The following PRKCH variants were observed in gnomAD, a reference collection of about 807,000 sequenced individuals.
PRKCH encodes protein kinase C eta, also known as protein kinase C eta type.
A neutral mutation model predicts 82.5 loss-of-function variants in PRKCH; 28 were observed. The observed-to-expected ratio is 0.34, with a 90% CI of 0.25 to 0.47. The LOEUF (loss-of-function observed/expected upper bound fraction) is 0.47. PRKCH is among the 20% of genes least tolerant of loss of function. The pLI is 1.00. For missense variants in PRKCH, 705 were observed against 881.8 expected, an observed-to-expected ratio of 0.80 and a Z score of 2.54; for synonymous variants, 322 against 327.4, an observed-to-expected ratio of 0.98 and a Z score of 0.18.
chr14:61,211,740 G>C (rs1594854669), intron 1 of PRKCH, among the ~76,000 whole-genome samples: 1 of 152,280 alleles, frequency 6.6e-6, no homozygotes. Context: ...AAACTGCCAA[G>C]TGCACCATGC....
chr14:61,444,637 C>T (rs1884134370), intron 3 of PRKCH, among the ~76,000 whole-genome samples: 1 of 152,140 alleles, frequency 6.6e-6, no homozygotes. Context: ...CTCTCACACA[C>T]ACTTAAAATA....
At chr14:61,216,412 G>C (rs75039431) in intron 1 of PRKCH, among the ~76,000 whole-genome samples, 7,732 of 151,942 alleles carry the variant, frequency 0.051, 480 homozygotes, top group African/African-American at 0.15. Flanking sequence ...TGGGGTTGCA[G>C]TCAGCTGAGA....
rs1281217917 is a variant in PRKCH, at chr14:61,423,011, T to C, written c.428-20100T>C. On this transcript the variant is annotated intron_variant, in intron 2 of 13. Transcript: ENST00000332981. ...CGGTATAAATTTGCTATGCTACAAA[T>C]GTTTGATTGAATGAATGAATGAAGT... 2.0e-5 allele frequency among the ~76,000 whole-genome samples: 3 copies of C among 152,232 alleles called. No homozygotes were observed. The East Asian group carries it at 5.8e-4, about 29-fold the overall frequency.
chr14:61,205,926 T>G (rs1262017726), intron 1 of PRKCH, among the ~76,000 whole-genome samples: 1 of 152,164 alleles, frequency 6.6e-6, no homozygotes, highest in East Asian at 1.9e-4. Context: ...ATTTCTCCTT[T>G]TCCTCACATG....
chr14:61,374,285 C>T (rs746210047), intron 1 of PRKCH, among the ~76,000 whole-genome samples: 7 of 152,148 alleles, frequency 4.6e-5, no homozygotes, highest in African/African-American at 7.2e-5. Context: ...GCTTTCGTGG[C>T]GTTGAGTGCC....
At chr14:61,478,588 G>T (rs747879518) in intron 9 of PRKCH, among the ~76,000 whole-genome samples, 13 of 152,146 alleles carry the variant, frequency 8.5e-5, no homozygotes, top group Non-Finnish European at 1.8e-4. Flanking sequence ...ATGGGTGTGT[G>T]TGCCATGCAT....
intron 10 of PRKCH, among the ~76,000 whole-genome samples, chr14:61,524,672 C>G (rs2042945209): frequency 6.6e-6 from 1 of 152,134 alleles, no homozygotes; most frequent in Non-Finnish European, 1.5e-5. Context: ...TGGAAGCTGA[C>G]CATGACTGTA....
chr14:61,457,179 C>T lies in PRKCH; in HGVS notation c.964C>T (p.Leu322Phe), dbSNP rs748033368. 6.2e-6 allele frequency: 10 copies of T among 1,613,918 alleles called. No individual in the cohort carries two copies. Among genetic ancestry groups the T allele is most frequent in the Non-Finnish European group, 8.5e-7 (1 of 1,179,882 alleles). Residue 322 changes from leucine to phenylalanine, a missense_variant, in exon 8 of 14, where the codon CTC (leucine) becomes TTC (phenylalanine). Around this residue, in one of 5 missense-constraint regions of PRKCH, gnomAD observed 238 missense variants for 258.1 expected, o/e 0.92. Transcript: ENST00000332981. ...QPGNISPTSK[L>F]VSRSTLRRQG... ...TAATGTGTTCTTACTCTTTCAGAAA[C>T]TCGTTTCCAGATCGACCCTAAGACG...
intron 1 of PRKCH, among the ~76,000 whole-genome samples, chr14:61,354,283 C>T (rs192359673): frequency 6.6e-6 from 1 of 152,182 alleles, no homozygotes; most frequent in East Asian, 1.9e-4. Context: ...TCCTAATATA[C>T]TCATTTGTTG....
intron 1 of PRKCH, among the ~76,000 whole-genome samples, chr14:61,348,375 C>A (rs1194626246): frequency 6.6e-6 from 1 of 152,076 alleles, no homozygotes; most frequent in East Asian, 1.9e-4. Flanking sequence ...GCCATTTGAA[C>A]CGTGTGTGGT....
intron 1 of PRKCH, chr14:61,277,369 CTT>C (rs1428427976): frequency 3.3e-5 from 5 of 152,152 alleles, no homozygotes; most frequent in Admixed American, 1.3e-4. Flanking sequence ...AACTACTTTA[CTT>C]TCTCTTTTAT....
At chr14:61,462,631 GA>G (rs969577085) in intron 9 of PRKCH, among the ~76,000 whole-genome samples, 3 of 152,204 alleles carry the variant, frequency 2.0e-5, no homozygotes, top group African/African-American at 7.2e-5. Flanking sequence ...TACTTGCTAT[GA>G]GAAGTTACAG....
At chr14:61,418,086 G>T (rs145679747) in intron 2 of PRKCH, among the ~76,000 whole-genome samples, 2 of 152,204 alleles carry the variant, frequency 1.3e-5, no homozygotes, top group Non-Finnish European at 2.9e-5. Flanking sequence ...TAACATCTGC[G>T]CAGGTCTATC....
intron 1 of PRKCH, among the ~76,000 whole-genome samples, chr14:61,311,473 T>C (rs2045523269): frequency 6.6e-6 from 1 of 152,202 alleles, no homozygotes; most frequent in Admixed American, 6.5e-5. Flanking sequence ...GCTCCAACCA[T>C]TCAACAAGTC....
At chr14:61,218,870 A>G (rs2044634924) in intron 1 of PRKCH, among the ~76,000 whole-genome samples, 1 of 152,178 alleles carries the variant, frequency 6.6e-6, no homozygotes, top group Admixed American at 6.5e-5. Flanking sequence ...GAGCTTTTCC[A>G]CAGGAGCATC....
chr14:61,204,622 G>A (rs1218134522), intron 1 of PRKCH, among the ~76,000 whole-genome samples: 1 of 151,920 alleles, frequency 6.6e-6, no homozygotes, highest in African/African-American at 2.4e-5. Context: ...TTAGTCAAAC[G>A]TGCTGGCACA....
intron 10 of PRKCH, chr14:61,525,112 C>T (rs1305697685): frequency 6.6e-6 from 1 of 152,186 alleles, no homozygotes; most frequent in African/African-American, 2.4e-5. Flanking sequence ...CAGACAGAGC[C>T]TTCTGGAATA....
chr14:61,443,407 G>A (rs1420850697), intron 3 of PRKCH, 146 bp downstream of exon 3: 2 of 781,936 alleles, frequency 2.6e-6, no homozygotes, highest in Non-Finnish European at 3.7e-6. Flanking sequence ...TGTTGACCCA[G>A]TAATTTAAAT....
At chr14:61,365,179 T>C (rs1156482959) in intron 1 of PRKCH, among the ~76,000 whole-genome samples, 1 of 152,082 alleles carries the variant, frequency 6.6e-6, no homozygotes, top group East Asian at 1.9e-4. Context: ...TTCATTTTGG[T>C]GTTTGAGAAC....
Sources: allele counts gnomAD v4.1 joint callset (sites outside exome capture counted in the v4.1 genomes callset), GRCh38; gene constraint gnomAD v4.1.1; regional missense constraint gnomAD v4.1.1; transcripts MANE v1.5; gene names NCBI Gene and HGNC (gene_info 2026-07-23, HGNC 2026-07-21).